The following BCKDHB variants were observed in gnomAD, a reference collection of about 807,000 sequenced individuals.
BCKDHB encodes the protein branched chain keto acid dehydrogenase E1 subunit beta, also known as 2-oxoisovalerate dehydrogenase subunit beta, mitochondrial.
Under a neutral mutation model 48.5 loss-of-function variants are expected in BCKDHB, and 41 were observed. The ratio of observed to expected loss-of-function variants is 0.85; its 90% CI spans 0.66 to 1.10. The LOEUF is 1.10. Among genes scored for constraint, BCKDHB ranks in the 50% least tolerant of loss-of-function variants. The pLI is 0.00. For synonymous variants in BCKDHB, 201 were observed against 174.8 expected (o/e 1.15, Z -1.18); for missense variants, 496 against 494.2 (o/e 1.00, Z -0.03).
At chr6:80,450,161 A>G in the BCKDHB span, among the ~76,000 whole-genome samples, 3 of 152,214 alleles carry the variant, frequency 2.0e-5, no homozygotes, top group Non-Finnish European at 4.4e-5. Flanking sequence ...GTTTGTCAAG[A>G]TGAAGCAGCT....
At chr6:80,408,753 CTTT>C in the BCKDHB span, among the ~76,000 whole-genome samples, 5 of 145,606 alleles carry the variant, frequency 3.4e-5, no homozygotes, top group Admixed American at 1.4e-4. Context: ...CTCTTTTCTT[CTTT>C]ATTAGTGTTG....
intron 9 of BCKDHB, 44 bp from the exon 10 acceptor site, chr6:80,343,620 G>T (rs770919794): frequency 5.0e-6 from 8 of 1,608,394 alleles, no homozygotes; most frequent in Non-Finnish European, 6.8e-6. Context: ...ATTTCTGTGA[G>T]TAAAAAAAAT....
the BCKDHB span, among the ~76,000 whole-genome samples, chr6:80,449,193 C>A: frequency 2.6e-5 from 4 of 152,052 alleles, no homozygotes; most frequent in Non-Finnish European, 5.9e-5. Flanking sequence ...CTTTCTTTTT[C>A]CCATGCTATG....
the BCKDHB span, among the ~76,000 whole-genome samples, chr6:80,404,184 G>A: frequency 1.3e-5 from 2 of 151,962 alleles, no homozygotes; most frequent in Non-Finnish European, 2.9e-5. Flanking sequence ...GAACTCAACT[G>A]TGAAGCCAAC....
At chr6:80,450,073 G>A in the BCKDHB span, among the ~76,000 whole-genome samples, 1 of 152,016 alleles carries the variant, frequency 6.6e-6, no homozygotes, top group South Asian at 2.1e-4. Flanking sequence ...GGTTAACAGG[G>A]TTCTGAGTGG....
At chr6:80,122,694 A>C (rs1407462079) in intron 1 of BCKDHB, among the ~76,000 whole-genome samples, 1 of 152,232 alleles carries the variant, frequency 6.6e-6, no homozygotes, top group Non-Finnish European at 1.5e-5. Context: ...AGCAAAGATC[A>C]CATGCTTCTG....
intron 9 of BCKDHB, among the ~76,000 whole-genome samples, chr6:80,283,839 G>T (rs866722908): frequency 9.9e-5 from 15 of 152,092 alleles, no homozygotes; most frequent in Middle Eastern, 6.8e-3. Flanking sequence ...CTACAATAAG[G>T]TTATTTAAAA....
chr6:80,378,012 T>G, the BCKDHB span, among the ~76,000 whole-genome samples: 1 of 152,346 alleles, frequency 6.6e-6, no homozygotes, highest in South Asian at 2.1e-4. Context: ...CAATGTTTTA[T>G]AGTTTTCAGA....
chr6:80,454,926 A>G, the BCKDHB span, among the ~76,000 whole-genome samples: 13 of 152,170 alleles, frequency 8.5e-5, no homozygotes, highest in Non-Finnish European at 1.5e-4. Context: ...ATTTCAACAC[A>G]CTATTCTGAT....
At chr6:80,359,606 G>GT in the BCKDHB span, among the ~76,000 whole-genome samples, 1 of 152,160 alleles carries the variant, frequency 6.6e-6, no homozygotes, top group East Asian at 1.9e-4. Flanking sequence ...TTGTTTGTTT[G>GT]TTTTTTGAGA....
At chr6:80,197,927 C>G (rs1774203793) in intron 6 of BCKDHB, among the ~76,000 whole-genome samples, 2 of 144,984 alleles carry the variant, frequency 1.4e-5, no homozygotes, top group Admixed American at 1.5e-4. Flanking sequence ...TTGATCTATC[C>G]ATCTGTTCAT....
chr6:80,183,171 C>T (rs1267387331), intron 6 of BCKDHB, among the ~76,000 whole-genome samples: 1 of 152,012 alleles, frequency 6.6e-6, no homozygotes, highest in African/African-American at 2.4e-5. Flanking sequence ...CTCTAAGCCC[C>T]ATATATTCAA....
chr6:80,107,577 G>GCATA (rs1769192720), intron 1 of BCKDHB, among the ~76,000 whole-genome samples: 4 of 129,498 alleles, frequency 3.1e-5, no homozygotes, highest in African/African-American at 1.1e-4. Flanking sequence ...ATGCATATAT[G>GCATA]TATATATGTC....
At chr6:80,199,713 T>C (rs752577987) in intron 6 of BCKDHB, among the ~76,000 whole-genome samples, 5 of 132,164 alleles carry the variant, frequency 3.8e-5, no homozygotes, top group Non-Finnish European at 7.7e-5. Context: ...GAGGTTGCAG[T>C]GAGCTATAAG....
intron 9 of BCKDHB, among the ~76,000 whole-genome samples, chr6:80,293,383 G>T (rs537164359): frequency 6.6e-6 from 1 of 152,302 alleles, no homozygotes; most frequent in East Asian, 1.9e-4. Context: ...CTTGAGGCTT[G>T]CACCCTCTAA....
At chr6:80,184,336 A>G (rs1306306258) in intron 6 of BCKDHB, among the ~76,000 whole-genome samples, 1 of 152,100 alleles carries the variant, frequency 6.6e-6, no homozygotes, top group Non-Finnish European at 1.5e-5. Flanking sequence ...GTGAGTCCTT[A>G]GGTGTTAAGT....
At chr6:80,328,205 G>C (rs186366617) in intron 9 of BCKDHB, among the ~76,000 whole-genome samples, 2 of 152,168 alleles carry the variant, frequency 1.3e-5, no homozygotes, top group South Asian at 4.1e-4. Context: ...TTGAATGCCT[G>C]CTTTGTGCCA....
intron 8 of BCKDHB, among the ~76,000 whole-genome samples, chr6:80,204,734 G>A (rs1238712803): frequency 2.6e-5 from 4 of 152,054 alleles, no homozygotes; most frequent in African/African-American, 9.7e-5. Context: ...TAAAGCACAA[G>A]TATACTAATA....
rs1777312090 is a variant in BCKDHB at position 80,261,742 on chromosome 6, G to A, written c.952-11393G>A. Among the ~76,000 whole-genome samples the A allele has an allele frequency of 2.0e-5, 3 of 152,004 alleles. No homozygotes were observed. The South Asian group carries it at 6.2e-4, about 32-fold the overall frequency. On this transcript the variant is annotated intron_variant, in intron 8 of 9. Coordinates refer to ENST00000320393, the MANE Select transcript of BCKDHB (RefSeq NM_183050.4). ...CTTATTTCTTAAAGGTTAGCTCTTC[G>A]GTTGAGAGTACACAGTGGTTGCTTA...
Sources: allele counts gnomAD v4.1 joint callset (sites outside exome capture counted in the v4.1 genomes callset), GRCh38; gene constraint gnomAD v4.1.1; transcripts MANE v1.5; gene names NCBI Gene and HGNC (gene_info 2026-07-23, HGNC 2026-07-21).